The following TTC6 variants were observed in gnomAD, a reference collection of about 807,000 sequenced individuals.
TTC6 encodes tetratricopeptide repeat protein 6.
A neutral mutation model predicts 210.4 loss-of-function variants in TTC6; 172 were observed. The ratio of observed to expected loss-of-function variants is 0.82; its 90% CI spans 0.72 to 0.93. The LOEUF (loss-of-function observed/expected upper bound fraction) is 0.93. Ranked by LOEUF, TTC6 falls within the 40% of genes least tolerant of loss-of-function variation. TTC6 has a pLI of 0.00. For synonymous variants in TTC6, 804 were observed against 819.6 expected, an observed-to-expected ratio of 0.98 and a Z score of 0.32; for missense variants, 2,414 against 2,318.1, an observed-to-expected ratio of 1.04 and a Z score of -0.85.
chr14:37,735,844 C>T (rs928537801), intron 7 of TTC6, 77 bp from the exon 10 acceptor site: 2 of 814,474 alleles, frequency 2.5e-6, no homozygotes, highest in South Asian at 1.8e-5. Flanking sequence ...TAATGTTGTA[C>T]TATGAAGTAA....
At chr14:37,644,981 T>C (rs1454652576) in intron 1 of TTC6, among the ~76,000 whole-genome samples, 3 of 152,196 alleles carry the variant, frequency 2.0e-5, no homozygotes, top group Non-Finnish European at 4.4e-5. Flanking sequence ...AAAATGTTCT[T>C]AAATATAAGA....
At position 37,721,940 on chromosome 14, in the gene TTC6, A is replaced by T. The variant is rs555987748; in HGVS notation, c.1714-2958A>T. Reference sequence around the variant, plus strand: ...TGTATATATATATACATATATATATATTTTTTCCCCCTCAGTGCAAATGTT... The same window carrying T: ...TGTATATATATATACATATATATATTTTTTTTCCCCCTCAGTGCAAATGTT... On this transcript the variant is annotated intron_variant, in intron 6 of 30. Coordinates refer to ENST00000553443, the Ensembl canonical transcript of TTC6. 1.9e-3 allele frequency among the ~76,000 whole-genome samples: 281 copies of T among 146,466 alleles called. 2 individuals are homozygous for T. Among genetic ancestry groups the T allele is most frequent in the African/African-American group, 5.2e-3 (207 of 39,940 alleles).
At position 37,598,668 on chromosome 14, in the gene TTC6, TCGGGCCC is replaced by T. The variant is rs1222151511; in HGVS notation, c.-235+2668_-235+2674del. On this transcript the variant is annotated intron_variant, in intron 1 of 2. Transcript: ENST00000556845. The surrounding 1 kb of genome is among the most constrained non-coding windows in gnomAD (Gnocchi z 4.9). ...GAAGGAGAGGCCGCGGCCTCGGGCC[TCGGGCCC>T]CGGGCCCAGACGGCGGCCTCTCGCG... 2.6e-5 allele frequency among the ~76,000 whole-genome samples: 4 copies of T among 152,114 alleles called. No individual in the cohort carries two copies. The highest frequency in any genetic ancestry group is 5.9e-5 in the Non-Finnish European group (4 of 68,022).
intron 1 of TTC6, among the ~76,000 whole-genome samples, chr14:37,627,281 G>T (rs1353497448): frequency 2.0e-5 from 3 of 151,062 alleles, no homozygotes; most frequent in African/African-American, 7.3e-5. Flanking sequence ...CCAGTCTCTG[G>T]TATTTCTTTT....
At chr14:37,821,347 A>T (rs551538054) in intron 26 of TTC6, among the ~76,000 whole-genome samples, 39 of 152,120 alleles carry the variant, frequency 2.6e-4, no homozygotes, top group Non-Finnish European at 4.9e-4. Flanking sequence ...GGGATGACAG[A>T]CATGAGCTAC....
At chr14:37,639,314 G>A (rs2095687029) in intron 1 of TTC6, among the ~76,000 whole-genome samples, 1 of 152,140 alleles carries the variant, frequency 6.6e-6, no homozygotes, top group Non-Finnish European at 1.5e-5. Context: ...AATTGGAAGG[G>A]ACTCATTTGG....
chr14:37,724,535 C>T lies in TTC6; in HGVS notation c.1714-363C>T, dbSNP rs189326771. Among the ~76,000 whole-genome samples, 351 of 152,068 alleles carry T rather than the reference C, an allele frequency of 2.3e-3. 2 individuals are homozygous for T. The highest frequency in any genetic ancestry group is 8.0e-3 in the African/African-American group (332 of 41,478). ...TTAGATTTGGTTTAATTTTTTATTTCATATGCTCTGTGAATATCCCATACT... is the reference window on the plus strand; with the variant it reads ...TTAGATTTGGTTTAATTTTTTATTTTATATGCTCTGTGAATATCCCATACT... On this transcript the variant is annotated intron_variant, in intron 6 of 30. Transcript: ENST00000553443.
At chr14:37,804,655 C>T (rs369427018) in intron 20 of TTC6, 25 bp from the exon 23 acceptor site, 3 of 1,603,654 alleles carry the variant, frequency 1.9e-6, no homozygotes, top group Non-Finnish European at 2.5e-6. Context: ...TTTCTTGCCC[C>T]CTCCCTGCTT....
At chr14:37,826,871 A>C (rs1782558041) in intron 28 of TTC6, among the ~76,000 whole-genome samples, 2 of 152,148 alleles carry the variant, frequency 1.3e-5, no homozygotes, top group Non-Finnish European at 2.9e-5. Context: ...AGGACAAATA[A>C]GCCTGTTAAC....
At chr14:37,748,166 C>T (rs2095941551) in intron 10 of TTC6, among the ~76,000 whole-genome samples, 1 of 152,024 alleles carries the variant, frequency 6.6e-6, no homozygotes, top group Non-Finnish European at 1.5e-5. Flanking sequence ...GTGGCTTGCA[C>T]TAGAATGTGG....
intron 2 of TTC6, among the ~76,000 whole-genome samples, chr14:37,613,046 T>G (rs1311047125): frequency 6.6e-6 from 1 of 152,138 alleles, no homozygotes; most frequent in East Asian, 1.9e-4. Flanking sequence ...GAGTGAGACA[T>G]TTTTTCCTTG....
chr14:37,689,082 T>C (rs2095798972), intron 3 of TTC6, among the ~76,000 whole-genome samples: 2 of 152,158 alleles, frequency 1.3e-5, no homozygotes, highest in South Asian at 4.2e-4. Context: ...AGAGAATCAA[T>C]TCAGAATTCT....
chr14:37,804,790 C>T, exon 21 of TTC6: 5 of 1,613,958 alleles, frequency 3.1e-6, no homozygotes, highest in African/African-American at 1.3e-5. Flanking sequence ...GTCTTTGTTA[C>T]ATGGAGGAAG....
chr14:37,610,089 C>T (rs763574968), intron 2 of TTC6, among the ~76,000 whole-genome samples: 1 of 152,096 alleles, frequency 6.6e-6, no homozygotes, highest in Non-Finnish European at 1.5e-5. Context: ...ATGCAGAAAC[C>T]CAGAGAGGGA....
intron 14 of TTC6, among the ~76,000 whole-genome samples, chr14:37,757,203 A>AT (rs2095970658): frequency 6.6e-6 from 1 of 151,496 alleles, no homozygotes; most frequent in Non-Finnish European, 1.5e-5. Flanking sequence ...CCCCTTTATC[A>AT]TTTTTTATTG....
exon 28 of TTC6, chr14:37,826,268 C>G (rs1392784305): frequency 1.2e-6 from 2 of 1,612,508 alleles, no homozygotes; most frequent in African/African-American, 1.3e-5. Context: ...AACTACCTAG[C>G]CTATGAAGGA....
At chr14:37,766,806 T>G (rs2096000932) in intron 14 of TTC6, among the ~76,000 whole-genome samples, 1 of 152,176 alleles carries the variant, frequency 6.6e-6, no homozygotes, top group African/African-American at 2.4e-5. Flanking sequence ...TTTTTTTTAT[T>G]TTTTATTATT....
Position 37,807,308 on chromosome 14 carries a change from C to G in TTC6, c.4315-12C>G. 4.0e-6 allele frequency: 6 copies of G among 1,502,984 alleles called. No individual in the cohort carries two copies. Among genetic ancestry groups the G allele is most frequent in the Non-Finnish European group, 5.3e-6 (6 of 1,123,528 alleles). 93.1% of individuals were successfully genotyped at this position (1,502,984 alleles called of 1,614,324 possible). A position where few individuals can be genotyped will look rare whatever the true frequency, so the allele number is the denominator to read the frequency against. On this transcript the variant is annotated splice_polypyrimidine_tract_variant and intron_variant, in intron 22 of 30. Coordinates refer to ENST00000553443, the Ensembl canonical transcript of TTC6. ...GCATCCATTCCTGCTTTCTCTCTCTCTCTCTGAATAGGCATATTTAAGCCG... is the reference window on the plus strand; with the variant it reads ...GCATCCATTCCTGCTTTCTCTCTCTGTCTCTGAATAGGCATATTTAAGCCG...
chr14:37,742,389 G>A (rs1566925010), intron 10 of TTC6, among the ~76,000 whole-genome samples: 1 of 149,296 alleles, frequency 6.7e-6, no homozygotes, highest in Admixed American at 6.8e-5. Flanking sequence ...CCACTTTTTG[G>A]TTTTGTTTTG....
Sources: allele counts gnomAD v4.1 joint callset (sites outside exome capture counted in the v4.1 genomes callset), GRCh38; gene constraint gnomAD v4.1.1; non-coding constraint Gnocchi (gnomAD v3.1); transcripts MANE v1.5; gene names NCBI Gene and HGNC (gene_info 2026-07-23, HGNC 2026-07-21).